Variants in SEM1 observed in about 807,000 individuals in gnomAD.
The protein encoded by SEM1 is 26S proteasome complex subunit SEM1.
SEM1 carries 3 observed loss-of-function variants against 12.7 expected under a neutral mutation model. The observed-to-expected ratio is 0.24, with a 90% confidence interval of 0.11 to 0.61. SEM1 has a LOEUF of 0.61. Ranked by LOEUF, SEM1 falls within the 20% of genes least tolerant of loss-of-function variation. The pLI is 0.88. For missense variants in SEM1, 59 were observed against 81.3 expected, an observed-to-expected ratio of 0.73 and a Z score of 1.06; for synonymous variants, 30 against 27.8, an observed-to-expected ratio of 1.08 and a Z score of -0.25.
At position 96,540,985 on chromosome 7, in the gene SEM1, A is replaced by G. The variant is rs112490612; in HGVS notation, c.171-34287T>C. 5.3e-5 allele frequency among the ~76,000 whole-genome samples: 8 copies of G among 151,862 alleles called. 1 individual carries two copies. The highest frequency in any genetic ancestry group is 1.9e-4 in the East Asian group (1 of 5,150). On this transcript the variant is annotated intron_variant and NMD_transcript_variant, in intron 2 of 3. Coordinates refer to the SEM1 transcript ENST00000466986. Reference sequence around the variant, plus strand: ...CCACATTTTCTTTAATCCACCATTGATGGGCCCCTAGATTGATTCCATATA... The same window carrying G: ...CCACATTTTCTTTAATCCACCATTGGTGGGCCCCTAGATTGATTCCATATA...
intron 2 of SEM1, among the ~76,000 whole-genome samples, chr7:96,575,833 A>G (rs1427233080): frequency 2.0e-5 from 3 of 152,220 alleles, no homozygotes; most frequent in Non-Finnish European, 4.4e-5. Flanking sequence ...GCATCTGACA[A>G]ATGGTTAATA....
chr7:96,663,635 G>A (rs1271253295), intron 2 of SEM1, among the ~76,000 whole-genome samples: 1 of 152,116 alleles, frequency 6.6e-6, no homozygotes, highest in East Asian at 1.9e-4. Flanking sequence ...CCAAAGGTGT[G>A]GCTAATGAAG....
chr7:96,681,885 T>C (rs1789623920), intron 2 of SEM1, among the ~76,000 whole-genome samples: 1 of 152,160 alleles, frequency 6.6e-6, no homozygotes, highest in African/African-American at 2.4e-5. Flanking sequence ...TTTGGTTTCA[T>C]ATGAAATTTA....
intron 2 of SEM1, among the ~76,000 whole-genome samples, chr7:96,611,050 T>C (rs891102421): frequency 6.6e-6 from 1 of 152,132 alleles, no homozygotes; most frequent in African/African-American, 2.4e-5. Context: ...TAGAGGAAAT[T>C]AGAAGTTGAC....
chr7:96,543,867 T>C (rs765257539), intron 2 of SEM1, among the ~76,000 whole-genome samples: 4 of 152,058 alleles, frequency 2.6e-5, no homozygotes, highest in Non-Finnish European at 4.4e-5. Flanking sequence ...TCATAACCCT[T>C]CATTTAGCTA....
chr7:96,668,541 T>C (rs1789229428), downstream of SEM1, among the ~76,000 whole-genome samples: 1 of 152,218 alleles, frequency 6.6e-6, no homozygotes, highest in Non-Finnish European at 1.5e-5. Flanking sequence ...AATTAAGTAT[T>C]GCATATACAT....
intron 2 of SEM1, among the ~76,000 whole-genome samples, chr7:96,662,505 G>A (rs567130934): frequency 4.1e-4 from 62 of 152,040 alleles, no homozygotes; most frequent in Non-Finnish European, 7.4e-4. Context: ...AACATCACAC[G>A]CTGGGGCCTG....
intron 2 of SEM1, among the ~76,000 whole-genome samples, chr7:96,611,215 T>C (rs377531411): frequency 7.2e-5 from 11 of 152,174 alleles, no homozygotes; most frequent in East Asian, 5.8e-4. Flanking sequence ...CTCTCAAATC[T>C]CATCACTCTT....
chr7:96,686,034 T>C (rs1256276851), downstream of SEM1, among the ~76,000 whole-genome samples: 2 of 152,102 alleles, frequency 1.3e-5, no homozygotes, highest in Non-Finnish European at 2.9e-5. Flanking sequence ...TCTAGCTCTG[T>C]ATATGCCACC....
intron 2 of SEM1, among the ~76,000 whole-genome samples, chr7:96,546,759 T>C (rs1805114686): frequency 6.6e-6 from 1 of 152,112 alleles, no homozygotes; most frequent in South Asian, 2.1e-4. Flanking sequence ...TGAATGCTGT[T>C]CAACACAATT....
chr7:96,501,016 T>A (rs1270718107), upstream of SEM1, among the ~76,000 whole-genome samples: 1 of 152,186 alleles, frequency 6.6e-6, no homozygotes, highest in East Asian at 1.9e-4. Context: ...AGAACCAAGA[T>A]GTTACTGCCT....
chr7:96,647,339 C>G (rs1430552821), intron 2 of SEM1: 1 of 152,128 alleles, frequency 6.6e-6, no homozygotes, highest in Non-Finnish European at 1.5e-5. Context: ...AATATATAAG[C>G]AATCAATAAA....
At chr7:96,646,677 C>T (rs116841810) in intron 2 of SEM1, among the ~76,000 whole-genome samples, 2 of 152,266 alleles carry the variant, frequency 1.3e-5, no homozygotes, top group East Asian at 3.9e-4. Context: ...CGACTGCCAT[C>T]CTCTCCCCAG....
chr7:96,543,446 T>A (rs956746681), intron 2 of SEM1, among the ~76,000 whole-genome samples: 1 of 151,894 alleles, frequency 6.6e-6, no homozygotes, highest in Non-Finnish European at 1.5e-5. Flanking sequence ...TGCTAACAGA[T>A]AAAGAAATAT....
intron 1 of SEM1, among the ~76,000 whole-genome samples, chr7:96,699,443 C>T (rs1386529595): frequency 6.6e-6 from 1 of 152,144 alleles, no homozygotes; most frequent in Non-Finnish European, 1.5e-5. Flanking sequence ...GCAAAACAAA[C>T]AAAACATTTT....
At chr7:96,590,527 G>A (rs1410205383) in intron 2 of SEM1, among the ~76,000 whole-genome samples, 2 of 152,150 alleles carry the variant, frequency 1.3e-5, no homozygotes, top group Non-Finnish European at 2.9e-5. Flanking sequence ...TATATATACT[G>A]GGGTCTGAAA....
intron 2 of SEM1, among the ~76,000 whole-genome samples, chr7:96,614,252 T>G (rs1449475418): frequency 6.6e-6 from 1 of 152,242 alleles, no homozygotes; most frequent in Non-Finnish European, 1.5e-5. Flanking sequence ...TTATACTTTG[T>G]TTTCTTAGTT....
At chr7:96,579,842 A>G (rs1806327002) in intron 2 of SEM1, among the ~76,000 whole-genome samples, 1 of 152,166 alleles carries the variant, frequency 6.6e-6, no homozygotes. Context: ...TGTAAGCAAT[A>G]GGGGAAATTG....
chr7:96,631,001 C>A (rs1808242023), intron 2 of SEM1, among the ~76,000 whole-genome samples: 1 of 152,172 alleles, frequency 6.6e-6, no homozygotes, highest in Admixed American at 6.6e-5. Flanking sequence ...CTGAGCTTAT[C>A]CAAGATGCAA....
Sources: gnomAD v4.1 joint callset for allele counts (sites outside exome capture counted in the v4.1 genomes callset) on GRCh38, gnomAD v4.1.1 for gene constraint, MANE v1.5 for transcripts, NCBI Gene and HGNC (gene_info 2026-07-23, HGNC 2026-07-21) for gene names.